TRAK1: variants seen among roughly 807,000 people sequenced by gnomAD.
The protein encoded by TRAK1 is trafficking kinesin-binding protein 1.
TRAK1 carries 33 observed loss-of-function variants against 92.1 expected under a neutral mutation model. The ratio of observed to expected loss-of-function variants is 0.36; its 90% confidence interval spans 0.27 to 0.48. TRAK1 has a LOEUF of 0.48. TRAK1 is among the 20% of genes least tolerant of loss of function. The pLI is 0.99. For synonymous variants in TRAK1, 521 were observed against 517.3 expected (o/e 1.01, Z -0.10); for missense variants, 1,123 against 1,257.9 (o/e 0.89, Z 1.62).
In TRAK1 at chr3:42,165,841, G is replaced by A. The variant is rs144285330; in HGVS notation, c.287-10973G>A. On this transcript the variant is annotated intron_variant, in intron 2 of 15. Coordinates refer to ENST00000327628, the MANE Select transcript of TRAK1 (RefSeq NM_001042646.3). ...CAGTATCCATGGCTACCCCACGCAG[G>A]CCTCCTGTGGGGTCAGTCTCTCTGG... 1.7e-4 allele frequency among the ~76,000 whole-genome samples: 26 copies of A among 152,118 alleles called. No individual in the cohort carries two copies. The East Asian group carries it at 2.3e-3, about 14-fold the overall frequency.
intron 1 of TRAK1, among the ~76,000 whole-genome samples, chr3:42,112,135 C>CTTTTTTT (rs1223261204): frequency 9.9e-5 from 7 of 71,042 alleles, no homozygotes; most frequent in Non-Finnish European, 1.5e-4. Context: ...TCAGCTCTTA[C>CTTTTTTT]TTTTTTTTTT....
chr3:42,077,916 T>C (rs533948438), intron 1 of TRAK1, among the ~76,000 whole-genome samples: 4 of 152,318 alleles, frequency 2.6e-5, no homozygotes, highest in East Asian at 1.9e-4. Flanking sequence ...TCTCAGACTT[T>C]TATCCAGTTT....
At chr3:42,209,162 C>A (rs533441503) in intron 13 of TRAK1, among the ~76,000 whole-genome samples, 9 of 152,322 alleles carry the variant, frequency 5.9e-5, no homozygotes, top group African/African-American at 1.7e-4. Flanking sequence ...CCTAACCCGG[C>A]AGCCTCTCAA....
intron 13 of TRAK1, among the ~76,000 whole-genome samples, chr3:42,205,584 G>A (rs1178094319): frequency 3.9e-5 from 6 of 152,200 alleles, no homozygotes; most frequent in African/African-American, 7.2e-5. Context: ...ACCAAGGCGG[G>A]CAGTATTTTT....
chr3:42,125,650 T>C lies in TRAK1; in HGVS notation c.286+36T>C, dbSNP rs754927761. 41 of 1,606,272 alleles carry C rather than the reference T, an allele frequency of 2.6e-5. No homozygotes were observed. The East Asian group carries it at 4.2e-4, about 17-fold the overall frequency. ...GTCCATGTGTGTTGTGATGGCAGTA[T>C]CATGATCAGGTCTTCTTAGCCATGG... On this transcript the variant is annotated intron_variant, in intron 2 of 15. Coordinates refer to ENST00000327628, the MANE Select transcript of TRAK1 (RefSeq NM_001042646.3).
chr3:42,063,303 C>T (rs142989115), intron 1 of TRAK1, among the ~76,000 whole-genome samples: 2 of 152,376 alleles, frequency 1.3e-5, no homozygotes, highest in African/African-American at 4.8e-5. Flanking sequence ...TAAGCCATTG[C>T]TGAAGGAGCA....
chr3:42,113,368 GCCTACCCCTACCCCTACC>G (rs199566316), intron 1 of TRAK1, among the ~76,000 whole-genome samples: 1 of 128,810 alleles, frequency 7.8e-6, no homozygotes, highest in Admixed American at 7.5e-5. Flanking sequence ...CTACGCCTAC[GCCTACCCCTACCCCTACC>G]CCTACCCCTA....
chr3:42,074,224 G>A (rs149938481), intron 1 of TRAK1, among the ~76,000 whole-genome samples: 2 of 152,324 alleles, frequency 1.3e-5, no homozygotes, highest in East Asian at 3.9e-4. Context: ...AAAAGTGGGT[G>A]CTGATATTAC....
At chr3:42,091,291 G>A, upstream of TRAK1, 1 of 586,816 alleles carries the variant, frequency 1.7e-6, no homozygotes, top group African/African-American at 1.9e-5. Flanking sequence ...GCTGCCTGGA[G>A]TTACATAACC....
intron 14 of TRAK1, chr3:42,212,727 C>A: frequency 3.1e-6 from 1 of 325,600 alleles, no homozygotes; most frequent in Non-Finnish European, 4.4e-6. Flanking sequence ...TGTCAGTACT[C>A]TGTATTTTAG....
chr3:42,141,554 C>G (rs1470021661), intron 2 of TRAK1, among the ~76,000 whole-genome samples: 2 of 152,154 alleles, frequency 1.3e-5, no homozygotes, highest in African/African-American at 2.4e-5. Context: ...AATTTATTCT[C>G]TCACAGTTCT....
intron 1 of TRAK1, among the ~76,000 whole-genome samples, chr3:42,047,817 C>CTGTG (rs1702816262): frequency 6.6e-6 from 1 of 151,948 alleles, no homozygotes; most frequent in Admixed American, 6.6e-5. Context: ...AGAGAAACTT[C>CTGTG]TGTGTGTGTT....
At chr3:42,169,186 C>G (rs1702242208) in intron 2 of TRAK1, among the ~76,000 whole-genome samples, 2 of 150,442 alleles carry the variant, frequency 1.3e-5, no homozygotes, top group South Asian at 4.2e-4. Flanking sequence ...TATAATTTTC[C>G]TTTTCTTATA....
At chr3:42,017,149 G>A (rs1329058614) in intron 1 of TRAK1, among the ~76,000 whole-genome samples, 1 of 152,160 alleles carries the variant, frequency 6.6e-6, no homozygotes, top group Non-Finnish European at 1.5e-5. Flanking sequence ...TAATCCCAGC[G>A]ACGTGGGAGG....
chr3:42,171,684 C>G (rs1409783602), intron 2 of TRAK1, among the ~76,000 whole-genome samples: 5 of 152,130 alleles, frequency 3.3e-5, no homozygotes, highest in Non-Finnish European at 1.5e-5. Flanking sequence ...GCCACACCAC[C>G]TTTGTTTTCT....
At chr3:42,088,138 A>G (rs1165298581), upstream of TRAK1, among the ~76,000 whole-genome samples, 1 of 152,178 alleles carries the variant, frequency 6.6e-6, no homozygotes, top group Non-Finnish European at 1.5e-5. Flanking sequence ...TTTTGTCTGC[A>G]GTGTTTGCTT....
intron 1 of TRAK1, among the ~76,000 whole-genome samples, chr3:42,055,044 A>G (rs1402444361): frequency 6.7e-6 from 1 of 150,072 alleles, no homozygotes; most frequent in African/African-American, 2.5e-5. Flanking sequence ...CTCAGCCTCC[A>G]TAGTAGCTGG....
upstream of TRAK1, among the ~76,000 whole-genome samples, chr3:42,086,105 G>T (rs1247926242): frequency 6.6e-6 from 1 of 152,216 alleles, no homozygotes; most frequent in Non-Finnish European, 1.5e-5. Context: ...CATGTGATGT[G>T]TGTGCAGGTG....
chr3:42,026,106 C>T (rs1423097647), intron 1 of TRAK1, among the ~76,000 whole-genome samples: 1 of 152,048 alleles, frequency 6.6e-6, no homozygotes, highest in African/African-American at 2.4e-5. Flanking sequence ...CTGTCTCTCC[C>T]TCCATCCCTC....
Sources: gnomAD v4.1 joint callset for allele counts (sites outside exome capture counted in the v4.1 genomes callset) on GRCh38, gnomAD v4.1.1 for gene constraint, MANE v1.5 for transcripts, NCBI Gene and HGNC (gene_info 2026-07-23, HGNC 2026-07-21) for gene names.